DCDC1: variants seen among roughly 807,000 people sequenced by gnomAD.
DCDC1 encodes doublecortin domain containing 1, also known as doublecortin domain-containing protein 1.
A neutral mutation model predicts 178.3 loss-of-function variants in DCDC1; 200 were observed. The ratio of observed to expected loss-of-function variants is 1.12; its 90% confidence interval spans 1.00 to 1.26. The LOEUF is 1.26. Ranked by LOEUF, DCDC1 falls within the 50% of genes most tolerant of loss-of-function variation. DCDC1 has a pLI of 0.00. For synonymous variants in DCDC1, 690 were observed against 604.8 expected (o/e 1.14, Z -2.07); for missense variants, 1,983 against 1,749.2 (o/e 1.13, Z -2.38).
intron 20 of DCDC1, among the ~76,000 whole-genome samples, chr11:30,955,353 C>T (rs151077271): frequency 2.6e-5 from 4 of 152,280 alleles, no homozygotes; most frequent in Admixed American, 6.5e-5. Context: ...TCTCCTATAT[C>T]CTCTCTTCTC....
intron 20 of DCDC1, among the ~76,000 whole-genome samples, chr11:30,961,637 C>T (rs1047667202): frequency 4.6e-5 from 7 of 151,658 alleles, no homozygotes; most frequent in Admixed American, 1.3e-4. Flanking sequence ...GGTATGTTTC[C>T]GTAGAAACAG....
At position 30,925,312 on chromosome 11, in the gene DCDC1, T is replaced by A. The variant is rs1946524306; in HGVS notation, c.2994A>T (p.Glu998Asp). ...AGTTTCAAATCCATGTCTTTACCAG[T>A]TCATCTCTTTGCAGGTCTTTTAAGG... ...IFALKDLQRD[E>D]LVYVSCGELW... Residue 998 changes from glutamate to aspartate, a missense_variant, in exon 23 of 39, where the codon GAA becomes GAT. Transcript: ENST00000684477. 3.1e-6 allele frequency: 5 copies of A among 1,612,886 alleles called. No homozygotes were observed. The Middle Eastern group carries it at 4.9e-4, about 159-fold the overall frequency.
chr11:31,093,191 T>TA (rs1373439003), intron 16 of DCDC1, among the ~76,000 whole-genome samples: 1 of 152,248 alleles, frequency 6.6e-6, no homozygotes, highest in African/African-American at 2.4e-5. Context: ...TATGCTGTGA[T>TA]ATATGAAATA....
At chr11:31,108,699 C>G (rs1466516749) in intron 12 of DCDC1, among the ~76,000 whole-genome samples, 1 of 152,174 alleles carries the variant, frequency 6.6e-6, no homozygotes, top group African/African-American at 2.4e-5. Context: ...TCTATTTTCT[C>G]AAGTTGGTGA....
intron 20 of DCDC1, among the ~76,000 whole-genome samples, chr11:31,025,964 G>A (rs1021877101): frequency 3.3e-5 from 5 of 151,820 alleles, no homozygotes; most frequent in African/African-American, 1.2e-4. Context: ...CTTTAGAATT[G>A]AAGCTTTTTA....
chr11:31,098,740 A>C (rs1036883303), intron 15 of DCDC1, among the ~76,000 whole-genome samples: 1 of 152,116 alleles, frequency 6.6e-6, no homozygotes, highest in Non-Finnish European at 1.5e-5. Context: ...CAGGTTATTA[A>C]ATTACTATTC....
At chr11:30,930,535 C>T (rs1408397769) in intron 22 of DCDC1, among the ~76,000 whole-genome samples, 7 of 152,144 alleles carry the variant, frequency 4.6e-5, no homozygotes, top group Admixed American at 4.6e-4. Context: ...TGAACTGGGA[C>T]ATACTGTTCC....
intron 9 of DCDC1, among the ~76,000 whole-genome samples, chr11:31,232,062 A>C (rs1414254816): frequency 6.6e-6 from 1 of 152,160 alleles, no homozygotes; most frequent in Non-Finnish European, 1.5e-5. Flanking sequence ...CTTACATTCA[A>C]AATAGGCCAC....
At chr11:31,284,100 T>C (rs1591639113) in intron 7 of DCDC1, among the ~76,000 whole-genome samples, 1 of 152,134 alleles carries the variant, frequency 6.6e-6, no homozygotes, top group African/African-American at 2.4e-5. Flanking sequence ...TCCTGTTGTC[T>C]AATACCTAAA....
chr11:30,888,842 A>G (rs953873925), intron 36 of DCDC1, among the ~76,000 whole-genome samples: 3 of 152,238 alleles, frequency 2.0e-5, no homozygotes, highest in African/African-American at 7.2e-5. Flanking sequence ...TGTTTTTGCA[A>G]TAACAAAGTT....
chr11:30,968,799 T>C (rs928588731), intron 20 of DCDC1, among the ~76,000 whole-genome samples: 1 of 144,788 alleles, frequency 6.9e-6, no homozygotes, highest in Non-Finnish European at 1.5e-5. Context: ...AGGGAGGGAT[T>C]CTGCACATTT....
intron 34 of DCDC1, among the ~76,000 whole-genome samples, chr11:30,897,672 C>T (rs528853544): frequency 1.3e-5 from 2 of 151,664 alleles, no homozygotes; most frequent in Admixed American, 6.6e-5. Flanking sequence ...GGCAGCCATA[C>T]CAGGTGCTAT....
chr11:31,175,725 T>C (rs1312689690), intron 9 of DCDC1, among the ~76,000 whole-genome samples: 1 of 152,310 alleles, frequency 6.6e-6, no homozygotes, highest in Non-Finnish European at 1.5e-5. Context: ...CACCTCTGCC[T>C]TTAGCAAAAC....
At chr11:31,054,380 G>A (rs1208337325) in intron 20 of DCDC1, among the ~76,000 whole-genome samples, 1 of 152,084 alleles carries the variant, frequency 6.6e-6, no homozygotes, top group African/African-American at 2.4e-5. Context: ...CTCACAGATG[G>A]GTAGAACTGA....
At chr11:30,970,196 C>G (rs77566890) in intron 20 of DCDC1, among the ~76,000 whole-genome samples, 1 of 152,138 alleles carries the variant, frequency 6.6e-6, no homozygotes, top group Non-Finnish European at 1.5e-5. Context: ...CCTCAACCCT[C>G]GCAGGTCCTG....
At chr11:31,275,958 T>C (rs1000923529) in intron 7 of DCDC1, among the ~76,000 whole-genome samples, 7 of 152,340 alleles carry the variant, frequency 4.6e-5, no homozygotes, top group Middle Eastern at 6.8e-3. Flanking sequence ...CTGTATATAG[T>C]TATACCTGGC....
intron 11 of DCDC1, among the ~76,000 whole-genome samples, chr11:31,123,542 A>T (rs1591126846): frequency 6.6e-6 from 1 of 151,670 alleles, no homozygotes; most frequent in Non-Finnish European, 1.5e-5. Context: ...AAACATTGGT[A>T]TCTTAAAAAA....
chr11:31,318,874 T>C (rs1472452876), intron 3 of DCDC1, among the ~76,000 whole-genome samples: 1 of 62,028 alleles, frequency 1.6e-5, no homozygotes, highest in East Asian at 2.5e-4. Flanking sequence ...TTCTCGTTGG[T>C]TTCAAAGAAC....
intron 17 of DCDC1, among the ~76,000 whole-genome samples, chr11:31,089,417 C>T (rs1256047090): frequency 6.6e-6 from 1 of 152,078 alleles, no homozygotes; most frequent in African/African-American, 2.4e-5. Context: ...GGTTTTGTCT[C>T]TTCATGCTTC....
Sources: allele counts gnomAD v4.1 joint callset (sites outside exome capture counted in the v4.1 genomes callset), GRCh38; gene constraint gnomAD v4.1.1; transcripts MANE v1.5; gene names NCBI Gene and HGNC (gene_info 2026-07-23, HGNC 2026-07-21).